SYTL2: variants seen among roughly 807,000 people sequenced by gnomAD.
The protein encoded by SYTL2 is synaptotagmin like 2.
In SYTL2, 165 loss-of-function variants were observed where a neutral mutation model predicts 198.7. That is an observed-to-expected ratio of 0.83 (90% CI 0.73 to 0.94). SYTL2 has a LOEUF of 0.94. SYTL2 is among the 40% of genes least tolerant of loss of function. SYTL2 has a pLI of 0.00. For synonymous variants in SYTL2, 966 were observed against 917.7 expected, an observed-to-expected ratio of 1.05 and a Z score of -0.95; for missense variants, 2,835 against 2,582.8, an observed-to-expected ratio of 1.10 and a Z score of -2.12.
chr11:85,785,086 C>T (rs2092616294), intron 1 of SYTL2, among the ~76,000 whole-genome samples: 1 of 151,982 alleles, frequency 6.6e-6, no homozygotes, highest in African/African-American at 2.4e-5. Context: ...AAATTTGAGC[C>T]AAGAGAAATG....
At position 85,734,646 on chromosome 11, in the gene SYTL2, C is replaced by G; in HGVS notation, c.683G>C (p.Gly228Ala). ...SKQTLPGLSN[G>A]SQIKAPIPKA... ...GGGGATTGGAGCCTTGATTTGGGAC[C>G]CATTTGAAAGGCCTGGCAAAGTCTG... The change falls in exon 7 of 20, where the codon GGG becomes GCG. Residue 228 changes from glycine to alanine, a missense_variant. Physicochemically the swap from Gly to Ala is moderately conservative, Grantham distance 60. Transcript: ENST00000359152. The G allele has an allele frequency of 6.2e-7, 1 of 1,614,070 alleles. No individual in the cohort carries two copies. The highest frequency in any genetic ancestry group is 8.5e-7 in the Non-Finnish European group (1 of 1,180,006).
At chr11:85,703,206 C>T (rs766518629) in intron 16 of SYTL2, among the ~76,000 whole-genome samples, 20 of 151,944 alleles carry the variant, frequency 1.3e-4, no homozygotes, top group Non-Finnish European at 2.2e-4. Context: ...AATAGTGGGG[C>T]AAAAGTAATA....
At chr11:85,811,515 C>T (rs1037393300), upstream of SYTL2, among the ~76,000 whole-genome samples, 1 of 152,090 alleles carries the variant, frequency 6.6e-6, no homozygotes, top group Admixed American at 6.5e-5. Flanking sequence ...CTCTGCACTC[C>T]GAGAAGGGAC....
Position 85,724,541 on chromosome 11 carries a change from C to T in SYTL2, c.4817G>A (p.Gly1606Glu), listed in dbSNP as rs2088844182. ...TGCCCTGTAAAAATGGGGCACTGTC[C>T]CCAAGAACCTGGTCTGCTCTGACTG... The part of the protein sequence containing the change: ...SSQSEQTRFL[G>E]TVPHFYRAAS... The change falls in exon 8 of 20, where the codon GGG (glycine) becomes GAG (glutamate). Residue 1606 changes from glycine to glutamate, a missense_variant. By Grantham distance (98) the Gly-to-Glu change is moderately conservative. Coordinates refer to ENST00000359152, the MANE Select transcript of SYTL2 (RefSeq NM_206927.4). 6.2e-7 allele frequency: 1 copy of T among 1,613,962 alleles called. No homozygotes were observed. Among genetic ancestry groups the T allele is most frequent in the South Asian group, 1.1e-5 (1 of 91,086 alleles).
the SYTL2 span, among the ~76,000 whole-genome samples, chr11:85,840,275 A>C: frequency 6.6e-6 from 1 of 152,100 alleles, no homozygotes; most frequent in Admixed American, 6.6e-5. Context: ...TTTGTTGCGC[A>C]AAAGCTTTTT....
At chr11:85,792,246 G>T (rs1427375247) in intron 1 of SYTL2, among the ~76,000 whole-genome samples, 1 of 151,948 alleles carries the variant, frequency 6.6e-6, no homozygotes, top group African/African-American at 2.4e-5. Context: ...TCAAATTAGG[G>T]GTGACTTGGG....
chr11:85,737,476 G>A, intron 5 of SYTL2, 99 bp downstream of exon 5: 1 of 900,178 alleles, frequency 1.1e-6, no homozygotes, highest in Non-Finnish European at 1.7e-6. Context: ...CCAAAAAACT[G>A]TACTACAAAA....
rs564478275 is a variant in SYTL2 at position 85,727,958 on chromosome 11, G to C, written c.1400C>G (p.Ser467Cys). Residue 467 changes from serine (S) to cysteine (C), a missense_variant, in exon 8 of 20, where the codon TCT (serine) becomes TGT (cysteine). Ser to Cys is a moderately radical substitution (Grantham distance 112, BLOSUM62 -1). Transcript: ENST00000359152. ...VLPRSPADEL[S>C]HCVEPEPSQV... ...AGATGGCTCAGGCTCAACACAATGA[G>C]ACAGTTCATCTGCAACATAGAAATA... The C allele has an allele frequency of 6.3e-7, 1 of 1,590,046 alleles. No homozygotes were observed. The highest frequency in any genetic ancestry group is 8.5e-7 in the Non-Finnish European group (1 of 1,172,740).
At chr11:85,775,634 G>A (rs1442621479) in intron 1 of SYTL2, among the ~76,000 whole-genome samples, 2 of 152,186 alleles carry the variant, frequency 1.3e-5, no homozygotes, top group African/African-American at 4.8e-5. Context: ...ATGCATGTGC[G>A]ACCACGCCTG....
intron 11 of SYTL2, chr11:85,715,050 A>C (rs1305849863): frequency 6.6e-6 from 1 of 152,212 alleles, no homozygotes; most frequent in Non-Finnish European, 1.5e-5. Flanking sequence ...ATTATAAAAT[A>C]AACATTATTT....
chr11:85,807,914 T>C (rs1244536456), intron 1 of SYTL2, among the ~76,000 whole-genome samples: 1 of 152,216 alleles, frequency 6.6e-6, no homozygotes, highest in African/African-American at 2.4e-5. Flanking sequence ...CAATCTGAGA[T>C]GGCTCTTAGC....
At chr11:85,748,063 T>C (rs1173565882) in intron 3 of SYTL2, among the ~76,000 whole-genome samples, 2 of 152,180 alleles carry the variant, frequency 1.3e-5, no homozygotes, top group Non-Finnish European at 2.9e-5. Flanking sequence ...AAGGGCTTCC[T>C]ATGTTCCTCT....
chr11:85,754,484 C>T (rs1480794075), intron 2 of SYTL2, among the ~76,000 whole-genome samples: 1 of 151,912 alleles, frequency 6.6e-6, no homozygotes. Flanking sequence ...ATATTATGTG[C>T]CAGGAAGATT....
At chr11:85,792,940 C>T (rs2092751998) in intron 1 of SYTL2, among the ~76,000 whole-genome samples, 1 of 151,586 alleles carries the variant, frequency 6.6e-6, no homozygotes, top group Non-Finnish European at 1.5e-5. Flanking sequence ...CATCCATGTC[C>T]CTACAAAGGA....
chr11:85,822,409 G>A, the SYTL2 span, among the ~76,000 whole-genome samples: 1 of 152,196 alleles, frequency 6.6e-6, no homozygotes, highest in South Asian at 2.1e-4. Flanking sequence ...TATTCTGCCA[G>A]GGCAGAGAAC....
Position 85,724,624 on chromosome 11 carries a change from A to C in SYTL2, c.4734T>G (p.Ala1578=). The change falls in exon 8 of 20, where the codon GCT becomes GCG. Residue 1578 remains alanine (A), a synonymous_variant. Coordinates refer to ENST00000359152, the MANE Select transcript of SYTL2 (RefSeq NM_206927.4). ...CTGACACCTGGGGCTGATAAGGAGG[A>C]GCTTCAGTTATTTCTTTAAGAAGTT... The part of the protein sequence containing the change: ...FEKLLKEITE[A]PPYQPQVSVR... 2 of 1,613,102 alleles carry C rather than the reference A, an allele frequency of 1.2e-6. No homozygotes were observed. The highest frequency in any genetic ancestry group is 1.7e-6 in the Non-Finnish European group (2 of 1,179,774).
chr11:85,721,540 G>T (rs1387409852), intron 8 of SYTL2, among the ~76,000 whole-genome samples: 3 of 152,030 alleles, frequency 2.0e-5, no homozygotes, highest in South Asian at 2.1e-4. Context: ...CGGGAGGGAG[G>T]CCTCTATCAT....
At chr11:85,828,667 T>C in the SYTL2 span, among the ~76,000 whole-genome samples, 1 of 152,228 alleles carries the variant, frequency 6.6e-6, no homozygotes. Flanking sequence ...TATAATCACA[T>C]GCATGATTTC....
chr11:85,822,970 G>A, the SYTL2 span, among the ~76,000 whole-genome samples: 4 of 152,230 alleles, frequency 2.6e-5, no homozygotes, highest in African/African-American at 9.6e-5. Flanking sequence ...AGGTCGCCAT[G>A]CTGGCTTAAA....
Sources: gnomAD v4.1 joint callset for allele counts (sites outside exome capture counted in the v4.1 genomes callset) on GRCh38, gnomAD v4.1.1 for gene constraint, MANE v1.5 for transcripts, NCBI Gene and HGNC (gene_info 2026-07-23, HGNC 2026-07-21) for gene names.